The following LURAP1 variants were observed in gnomAD, a reference collection of about 807,000 sequenced individuals.
LURAP1 encodes NF-kappa-B activator C1orf190.
LURAP1 carries 14 observed loss-of-function variants against 19.0 expected under a neutral mutation model. That is an observed-to-expected ratio of 0.74 (90% CI 0.49 to 1.15). The LOEUF is 1.15. Among genes scored for constraint, LURAP1 ranks in the 50% most tolerant of loss-of-function variants. The pLI is 0.00. For missense variants in LURAP1, 273 were observed against 309.1 expected, an observed-to-expected ratio of 0.88 and a Z score of 0.87; for synonymous variants, 129 against 131.8, an observed-to-expected ratio of 0.98 and a Z score of 0.14.
intron 1 of LURAP1, among the ~76,000 whole-genome samples, chr1:46,219,103 C>T (rs1044910011): frequency 1.3e-5 from 2 of 152,012 alleles, no homozygotes; most frequent in Admixed American, 1.3e-4. Context: ...TTGAGACCAG[C>T]CTGACCAACA....
rs1394636473 is a variant in LURAP1, at chr1:46,220,126, G to A, written c.626G>A (p.Gly209Glu). The A allele has an allele frequency of 6.2e-7, 1 of 1,614,210 alleles. No homozygotes were observed. The highest frequency in any genetic ancestry group is 2.2e-5 in the East Asian group (1 of 44,890). Residue 209 changes from glycine (G) to glutamate (E), a missense_variant, in exon 2 of 2, where the codon GGA becomes GAA. Transcript: ENST00000371980. ...WKPPGERLQG[G>E]PPESPEDESA... ...CCCCCAGGGGAGAGGCTTCAAGGTG[G>A]ACCACCTGAGTCACCAGAGGATGAG...
chr1:46,216,570 A>C (rs1659078062), intron 1 of LURAP1, among the ~76,000 whole-genome samples: 1 of 151,932 alleles, frequency 6.6e-6, no homozygotes, highest in African/African-American at 2.4e-5. Flanking sequence ...TCAAACTCCT[A>C]GACTCAAGTG....
At chr1:46,209,309 G>A (rs1658820242) in intron 1 of LURAP1, among the ~76,000 whole-genome samples, 1 of 151,530 alleles carries the variant, frequency 6.6e-6, no homozygotes, top group Non-Finnish European at 1.5e-5. Flanking sequence ...CAGAGCCACC[G>A]CCCCCTGCCA....
intron 1 of LURAP1, among the ~76,000 whole-genome samples, 193 bp from the exon 2 acceptor site, chr1:46,219,506 T>C (rs757822793): frequency 5.3e-5 from 8 of 152,148 alleles, no homozygotes; most frequent in African/African-American, 1.9e-4. Flanking sequence ...AAAGAAGATA[T>C]GTCTAATCAG....
chr1:46,215,446 G>T (rs1476845974), intron 1 of LURAP1, among the ~76,000 whole-genome samples: 1 of 152,164 alleles, frequency 6.6e-6, no homozygotes, highest in Non-Finnish European at 1.5e-5. Context: ...TAACTCAATA[G>T]ATGAAAATAA....
At chr1:46,204,373 G>A (rs1658648429) in intron 1 of LURAP1, among the ~76,000 whole-genome samples, 1 of 152,162 alleles carries the variant, frequency 6.6e-6, no homozygotes, top group South Asian at 2.1e-4. Context: ...GAGCCAAAAG[G>A]GCAGCCGAGG....
intron 1 of LURAP1, among the ~76,000 whole-genome samples, chr1:46,212,589 T>A (rs1472169364): frequency 6.6e-6 from 1 of 151,582 alleles, no homozygotes; most frequent in Admixed American, 6.6e-5. Flanking sequence ...CCAAATTTTT[T>A]TTTTTGAATC....
At chr1:46,218,984 A>G (rs1293258304) in intron 1 of LURAP1, among the ~76,000 whole-genome samples, 1 of 152,126 alleles carries the variant, frequency 6.6e-6, no homozygotes, top group Non-Finnish European at 1.5e-5. Context: ...TTTCTGGTGA[A>G]TATGGGCAGG....
At chr1:46,216,820 G>A (rs1038620715) in intron 1 of LURAP1, among the ~76,000 whole-genome samples, 8 of 152,278 alleles carry the variant, frequency 5.3e-5, no homozygotes, top group African/African-American at 1.9e-4. Context: ...AGTCCCCAGT[G>A]TCTATCATTA....
At chr1:46,214,556 G>GAAAA (rs1659004442) in intron 1 of LURAP1, among the ~76,000 whole-genome samples, 1 of 151,844 alleles carries the variant, frequency 6.6e-6, no homozygotes, top group South Asian at 2.1e-4. Flanking sequence ...GCGGGGAAAA[G>GAAAA]AAAAAAGAAA....
Position 46,203,486 on chromosome 1 carries a change from C to G in LURAP1, c.60C>G (p.Gly20=). ...TGCGGGATGTGGAGGGTAAGGTGGG[C>G]AGGAAGACCCCTGAAGGGCTGCTCC... The part of the protein sequence containing the change: ...PDLRDVEGKV[G]RKTPEGLLRG... Residue 20 remains glycine (G), a synonymous_variant, in exon 1 of 2, where the codon GGC becomes GGG. Coordinates refer to ENST00000371980, the MANE Select transcript of LURAP1 (RefSeq NM_001013615.3). The G allele has an allele frequency of 6.5e-7, 1 of 1,530,736 alleles. No individual in the cohort carries two copies. Among genetic ancestry groups the G allele is most frequent in the South Asian group, 1.2e-5 (1 of 80,452 alleles). 94.8% of individuals were successfully genotyped at this position (1,530,736 alleles called of 1,614,324 possible). A position where few individuals can be genotyped will look rare whatever the true frequency, so the allele number is the denominator to read the frequency against.
At chr1:46,209,339 G>T (rs1658821280) in intron 1 of LURAP1, among the ~76,000 whole-genome samples, 2 of 151,986 alleles carry the variant, frequency 1.3e-5, no homozygotes, top group African/African-American at 4.8e-5. Flanking sequence ...ATTTTATACT[G>T]CAAAAACCCT....
chr1:46,218,745 A>T (rs1381340936), intron 1 of LURAP1, among the ~76,000 whole-genome samples: 1 of 152,114 alleles, frequency 6.6e-6, no homozygotes, highest in Non-Finnish European at 1.5e-5. Flanking sequence ...TACTTCCAGT[A>T]CAGACAGGTA....
At chr1:46,205,848 G>A (rs962412872) in intron 1 of LURAP1, among the ~76,000 whole-genome samples, 3 of 152,212 alleles carry the variant, frequency 2.0e-5, no homozygotes, top group Non-Finnish European at 4.4e-5. Flanking sequence ...CAAGGGGTGG[G>A]GCAAGGGATT....
intron 1 of LURAP1, among the ~76,000 whole-genome samples, chr1:46,203,828 G>A (rs1320292942): frequency 2.0e-5 from 3 of 152,170 alleles, no homozygotes; most frequent in African/African-American, 7.2e-5. Flanking sequence ...TGAGTGGGGT[G>A]TTGATGGTCC....
In LURAP1 at chr1:46,220,334, T is replaced by C. The variant is rs868467133; in HGVS notation, c.*114T>C. 1.6e-5 allele frequency: 19 copies of C among 1,164,314 alleles called. No individual in the cohort carries two copies. In the Middle Eastern group the frequency reaches 3.3e-3, roughly 202 times the overall value. The allele number at this position is 1,164,314 out of a possible 1,614,324, so 72.1% of individuals were successfully genotyped here. Reference sequence around the variant, plus strand: ...AGGAAGAGGCTGCACTGAAATCAGTTACCATGGAAACCTGGCTCATCATTT... The same window carrying C: ...AGGAAGAGGCTGCACTGAAATCAGTCACCATGGAAACCTGGCTCATCATTT... On this transcript the variant is annotated 3_prime_UTR_variant, in exon 2 of 2. Coordinates refer to ENST00000371980, the MANE Select transcript of LURAP1 (RefSeq NM_001013615.3).
intron 1 of LURAP1, among the ~76,000 whole-genome samples, chr1:46,207,688 G>A (rs1658763754): frequency 6.6e-6 from 1 of 151,400 alleles, no homozygotes. Flanking sequence ...ACAGGCACCT[G>A]CAAACACACC....
At position 46,220,102 on chromosome 1, in the gene LURAP1, C is replaced by A; in HGVS notation, c.602C>A (p.Pro201His). 6.2e-7 allele frequency: 1 copy of A among 1,614,188 alleles called. No homozygotes were observed. The highest frequency in any genetic ancestry group is 8.5e-7 in the Non-Finnish European group (1 of 1,180,042). ...RLGSLRAVWK[P>H]PGERLQGGPP... is the part of the protein sequence containing the mutation. ...GGGAGCTTGAGAGCTGTGTGGAAGCCCCCAGGGGAGAGGCTTCAAGGTGGA... is the reference window on the plus strand; with the variant it reads ...GGGAGCTTGAGAGCTGTGTGGAAGCACCCAGGGGAGAGGCTTCAAGGTGGA... The change falls in exon 2 of 2, where the codon CCC (proline) becomes CAC (histidine). Residue 201 changes from proline to histidine, a missense_variant. Transcript: ENST00000371980.
At position 46,220,981 on chromosome 1, in the gene LURAP1, G is replaced by A. The variant is rs1659223347; in HGVS notation, c.*761G>A. The A allele has an allele frequency of 6.6e-6, 1 of 152,320 alleles. No homozygotes were observed. The highest frequency in any genetic ancestry group is 1.5e-5 in the Non-Finnish European group (1 of 68,052). 9.4% of individuals were successfully genotyped at this position (152,320 alleles called of 1,614,324 possible). A position where few individuals can be genotyped will look rare whatever the true frequency, so the allele number is the denominator to read the frequency against. ...AACCCTCTATGGATTGGCCCTCCCAGAAGCGTTTGGGCTGGTAGACCCACC... is the reference window on the plus strand; with the variant it reads ...AACCCTCTATGGATTGGCCCTCCCAAAAGCGTTTGGGCTGGTAGACCCACC... On this transcript the variant is annotated 3_prime_UTR_variant, in exon 2 of 2. Transcript: ENST00000371980.
Sources: gnomAD v4.1 joint callset for allele counts (sites outside exome capture counted in the v4.1 genomes callset) on GRCh38, gnomAD v4.1.1 for gene constraint, MANE v1.5 for transcripts, NCBI Gene and HGNC (gene_info 2026-07-23, HGNC 2026-07-21) for gene names.